Variants in GRIA1 observed in about 807,000 individuals in gnomAD.
GRIA1 encodes the protein glutamate receptor 1.
A neutral mutation model predicts 99.2 loss-of-function variants in GRIA1; 31 were observed. The ratio of observed to expected loss-of-function variants is 0.31; its 90% CI spans 0.23 to 0.42. The LOEUF (loss-of-function observed/expected upper bound fraction) is 0.42, where lower values mean the gene tolerates loss of function less well. Ranked by LOEUF, GRIA1 falls within the 10% of genes least tolerant of loss-of-function variation. GRIA1 has a pLI of 1.00. For missense variants in GRIA1, 782 were observed against 1,157.5 expected, an observed-to-expected ratio of 0.68 and a Z score of 4.71; for synonymous variants, 438 against 432.4, an observed-to-expected ratio of 1.01 and a Z score of -0.16.
intron 2 of GRIA1, among the ~76,000 whole-genome samples, chr5:153,544,414 C>T (rs911308449): frequency 6.6e-6 from 1 of 152,198 alleles, no homozygotes; most frequent in Non-Finnish European, 1.5e-5. Context: ...CATGGCATCA[C>T]CCCTTCCAGC....
intron 2 of GRIA1, among the ~76,000 whole-genome samples, chr5:153,510,698 G>A (rs371940993): frequency 1.2e-4 from 19 of 152,294 alleles, no homozygotes; most frequent in African/African-American, 4.6e-4. Flanking sequence ...TTGCATTGTT[G>A]ATATTCCAAA....
At chr5:153,692,037 C>A (rs2149504666) in intron 8 of GRIA1, among the ~76,000 whole-genome samples, 1 of 152,330 alleles carries the variant, frequency 6.6e-6, no homozygotes, top group East Asian at 1.9e-4. Context: ...TGCAGTTACA[C>A]TGGCATCTTT....
chr5:153,568,334 T>C (rs1761830810), intron 2 of GRIA1, among the ~76,000 whole-genome samples: 1 of 152,202 alleles, frequency 6.6e-6, no homozygotes, highest in Admixed American at 6.6e-5. Flanking sequence ...CAGCATCACC[T>C]GGAAACTTGT....
At chr5:153,693,087 C>A (rs1047816705) in intron 8 of GRIA1, among the ~76,000 whole-genome samples, 3 of 152,088 alleles carry the variant, frequency 2.0e-5, no homozygotes, top group African/African-American at 7.2e-5. Context: ...ACTCAGTGAC[C>A]ACTTTTTTGG....
chr5:153,549,570 T>C (rs1228107574), intron 2 of GRIA1, among the ~76,000 whole-genome samples: 5 of 152,022 alleles, frequency 3.3e-5, no homozygotes, highest in Non-Finnish European at 7.4e-5. Context: ...GAAAGTAAAA[T>C]TCTAAAGAGC....
chr5:153,763,523 T>C (rs558928500), intron 11 of GRIA1, among the ~76,000 whole-genome samples: 72 of 152,302 alleles, frequency 4.7e-4, no homozygotes, highest in Admixed American at 9.2e-4. Flanking sequence ...AGAAATGAAA[T>C]GCAAATAACT....
chr5:153,787,165 G>A (rs1765016673), intron 13 of GRIA1, among the ~76,000 whole-genome samples: 1 of 152,130 alleles, frequency 6.6e-6, no homozygotes, highest in Non-Finnish European at 1.5e-5. Flanking sequence ...TGATAATTGA[G>A]TTTCTTTAGA....
intron 2 of GRIA1, among the ~76,000 whole-genome samples, chr5:153,515,126 A>G (rs1334545756): frequency 6.6e-6 from 1 of 152,192 alleles, no homozygotes; most frequent in Non-Finnish European, 1.5e-5. Flanking sequence ...AGTTCTGGGT[A>G]TATATCTAAA....
intron 2 of GRIA1, among the ~76,000 whole-genome samples, chr5:153,635,803 G>A (rs1487711565): frequency 1.3e-5 from 2 of 152,150 alleles, no homozygotes; most frequent in African/African-American, 4.8e-5. Flanking sequence ...CTTTTTGAAT[G>A]AACCTCTGAG....
At position 153,691,208 on chromosome 5, in the gene GRIA1, C is replaced by T. The variant is rs532543108; in HGVS notation, c.1134+4879C>T. The stretch of plus-strand genomic sequence containing the variant: ...CTAAAATGGGATCCTTAGGAAATCC[C>T]GTTCAAGGATACCACTTCACTATGG... On this transcript the variant is annotated intron_variant, in intron 8 of 15. Coordinates refer to ENST00000285900, the MANE Select transcript of GRIA1 (RefSeq NM_000827.4). Among the ~76,000 whole-genome samples, 10 of 152,236 alleles carry T rather than the reference C, an allele frequency of 6.6e-5. No individual in the cohort carries two copies. In the East Asian group the frequency reaches 1.2e-3, roughly 18 times the overall value.
intron 2 of GRIA1, among the ~76,000 whole-genome samples, chr5:153,517,447 G>A (rs73284020): frequency 0.022 from 3,278 of 152,202 alleles, 116 homozygotes; most frequent in African/African-American, 0.074. Context: ...ATCAGGGGAG[G>A]GACCCTCAAA....
chr5:153,507,810 C>A (rs899275956), intron 2 of GRIA1, among the ~76,000 whole-genome samples: 1 of 152,204 alleles, frequency 6.6e-6, no homozygotes, highest in Non-Finnish European at 1.5e-5. Context: ...ATATGAGTCT[C>A]TCCATAATGG....
chr5:153,521,242 C>G (rs542693823), intron 2 of GRIA1, among the ~76,000 whole-genome samples: 1 of 152,260 alleles, frequency 6.6e-6, no homozygotes, highest in Non-Finnish European at 1.5e-5. Flanking sequence ...GACAGTGGAC[C>G]AAGGTTTAAG....
chr5:153,772,929 A>C (rs1763976854), intron 13 of GRIA1, among the ~76,000 whole-genome samples: 1 of 152,130 alleles, frequency 6.6e-6, no homozygotes. Flanking sequence ...ACATAACATA[A>C]TTTGTCCAAT....
At chr5:153,755,631 T>A (rs1240486709) in intron 11 of GRIA1, 5 of 152,136 alleles carry the variant, frequency 3.3e-5, no homozygotes, top group Non-Finnish European at 7.3e-5. Flanking sequence ...ATCGCGCCTG[T>A]AAATAGCAAC....
At chr5:153,518,001 C>T (rs527878403) in intron 2 of GRIA1, among the ~76,000 whole-genome samples, 18 of 152,326 alleles carry the variant, frequency 1.2e-4, no homozygotes, top group African/African-American at 4.3e-4. Context: ...CCTTCAGTTC[C>T]TTAAACAGGC....
intron 2 of GRIA1, among the ~76,000 whole-genome samples, chr5:153,634,717 TG>T (rs1753227535): frequency 6.6e-6 from 1 of 152,344 alleles, no homozygotes; most frequent in South Asian, 2.1e-4. Flanking sequence ...TTGTTTCAAA[TG>T]TCGTTTTCGC....
At chr5:153,679,311 A>G (rs1249159693) in intron 7 of GRIA1, among the ~76,000 whole-genome samples, 1 of 152,264 alleles carries the variant, frequency 6.6e-6, no homozygotes, top group Non-Finnish European at 1.5e-5. Flanking sequence ...CAAATAAACC[A>G]GAACATTCTG....
intron 2 of GRIA1, among the ~76,000 whole-genome samples, chr5:153,606,345 A>T (rs1423043374): frequency 1.3e-5 from 2 of 152,088 alleles, no homozygotes; most frequent in African/African-American, 4.8e-5. Flanking sequence ...TGGAACAGGA[A>T]GCTTTTCCCC....
Sources: allele counts gnomAD v4.1 joint callset (sites outside exome capture counted in the v4.1 genomes callset), GRCh38; gene constraint gnomAD v4.1.1; transcripts MANE v1.5; gene names NCBI Gene and HGNC (gene_info 2026-07-23, HGNC 2026-07-21).